Variants in ZNF385D observed in about 807,000 individuals in gnomAD.
The protein encoded by ZNF385D is zinc finger protein 659.
In ZNF385D, 15 loss-of-function variants were observed where a neutral mutation model predicts 35.8. The observed-to-expected ratio is 0.42, with a 90% CI of 0.28 to 0.64. The LOEUF (loss-of-function observed/expected upper bound fraction) is 0.64, where lower values mean the gene tolerates loss of function less well. Ranked by LOEUF, ZNF385D falls within the 30% of genes least tolerant of loss-of-function variation. The pLI is 0.23. For missense variants in ZNF385D, 474 were observed against 494.6 expected (o/e 0.96, Z 0.39); for synonymous variants, 212 against 186.8 (o/e 1.13, Z -1.10).
chr3:22,169,983 T>A (rs1308496905), intron 2 of ZNF385D, among the ~76,000 whole-genome samples: 1 of 152,124 alleles, frequency 6.6e-6, no homozygotes, highest in Admixed American at 6.5e-5. Flanking sequence ...ATAATTAGAG[T>A]AACTATTGTA....
At chr3:21,506,340 G>A (rs980352502) in intron 4 of ZNF385D, among the ~76,000 whole-genome samples, 1 of 152,170 alleles carries the variant, frequency 6.6e-6, no homozygotes, top group Non-Finnish European at 1.5e-5. Context: ...CTGATATGTA[G>A]TATGAGTAAG....
intron 1 of ZNF385D, among the ~76,000 whole-genome samples, chr3:21,730,772 G>A (rs190043429): frequency 6.6e-6 from 1 of 152,312 alleles, no homozygotes; most frequent in East Asian, 1.9e-4. Context: ...TTTCTCCCCA[G>A]AGGATTCTTT....
intron 2 of ZNF385D, among the ~76,000 whole-genome samples, chr3:22,371,587 G>A (rs967313729): frequency 6.6e-6 from 1 of 152,200 alleles, no homozygotes; most frequent in Non-Finnish European, 1.5e-5. Context: ...CTGGAATTGG[G>A]CATTTCACAC....
At chr3:22,329,629 A>G (rs1266245339) in intron 2 of ZNF385D, among the ~76,000 whole-genome samples, 2 of 152,160 alleles carry the variant, frequency 1.3e-5, no homozygotes, top group African/African-American at 4.8e-5. Flanking sequence ...TTCTCCACCA[A>G]TCCCTCTGAT....
At chr3:21,696,653 G>A (rs1045035644) in intron 1 of ZNF385D, among the ~76,000 whole-genome samples, 8 of 152,218 alleles carry the variant, frequency 5.3e-5, no homozygotes, top group African/African-American at 1.9e-4. Context: ...CCATCAGACA[G>A]TAGCTCTTTA....
chr3:22,114,078 C>T (rs575755845), intron 3 of ZNF385D, among the ~76,000 whole-genome samples: 2 of 151,998 alleles, frequency 1.3e-5, no homozygotes, highest in African/African-American at 4.8e-5. Context: ...AGTGAGAAAA[C>T]ATAAATCATA....
intron 3 of ZNF385D, among the ~76,000 whole-genome samples, chr3:22,088,286 A>G (rs1406816501): frequency 6.6e-6 from 1 of 152,194 alleles, no homozygotes; most frequent in Non-Finnish European, 1.5e-5. Context: ...AATATGTGAT[A>G]AAACATGAGA....
At chr3:22,344,394 G>T (rs1344206775) in intron 2 of ZNF385D, among the ~76,000 whole-genome samples, 1 of 151,754 alleles carries the variant, frequency 6.6e-6, no homozygotes, top group Non-Finnish European at 1.5e-5. Context: ...TGTTGCTGTT[G>T]TTTTAGTTTT....
intron 3 of ZNF385D, among the ~76,000 whole-genome samples, chr3:22,077,749 TAGA>T (rs1700538570): frequency 6.6e-6 from 1 of 152,012 alleles, no homozygotes; most frequent in African/African-American, 2.4e-5. Context: ...ATTTCTACCT[TAGA>T]AGCTGTTTCT....
chr3:22,033,818 T>G (rs76224780), intron 3 of ZNF385D, among the ~76,000 whole-genome samples: 1 of 152,294 alleles, frequency 6.6e-6, no homozygotes, highest in Non-Finnish European at 1.5e-5. Context: ...TACTGTTCAC[T>G]TCAGTTACCA....
chr3:22,072,765 G>A (rs1484661183), intron 3 of ZNF385D, among the ~76,000 whole-genome samples: 7 of 151,776 alleles, frequency 4.6e-5, no homozygotes, highest in African/African-American at 1.5e-4. Context: ...ATTGAAGGTT[G>A]GGAGAAGGAA....
Position 22,122,734 on chromosome 3 carries a change from T to C in ZNF385D, c.325+46083A>G, listed in dbSNP as rs1044042733. Among the ~76,000 whole-genome samples the C allele has an allele frequency of 8.5e-5, 13 of 152,180 alleles. 1 individual carries two copies. The highest frequency in any genetic ancestry group is 1.9e-4 in the Non-Finnish European group (13 of 68,032). ...ATGGAAAGTACCAAGAAAGGCCTACTGAGACGGTGACATTCGAGTCACATG... is the reference window on the plus strand; with the variant it reads ...ATGGAAAGTACCAAGAAAGGCCTACCGAGACGGTGACATTCGAGTCACATG... On this transcript the variant is annotated intron_variant, in intron 3 of 5. Transcript: ENST00000494108.
chr3:21,797,810 G>A (rs999672439), intron 3 of ZNF385D, among the ~76,000 whole-genome samples: 5 of 152,154 alleles, frequency 3.3e-5, no homozygotes, highest in Non-Finnish European at 5.9e-5. Flanking sequence ...AAACTATGGA[G>A]ATAGTGAAAG....
At chr3:22,092,594 G>T (rs943819138) in intron 3 of ZNF385D, among the ~76,000 whole-genome samples, 1 of 152,124 alleles carries the variant, frequency 6.6e-6, no homozygotes, top group African/African-American at 2.4e-5. Context: ...GTGGAAGCTG[G>T]TTCCAGACCC....
intron 3 of ZNF385D, among the ~76,000 whole-genome samples, chr3:22,140,116 A>C (rs1193743476): frequency 6.6e-6 from 1 of 152,224 alleles, no homozygotes; most frequent in African/African-American, 2.4e-5. Context: ...AGAGAAACGA[A>C]AATTTATTTC....
intron 3 of ZNF385D, among the ~76,000 whole-genome samples, chr3:21,868,840 T>C (rs748353974): frequency 1.2e-4 from 19 of 152,120 alleles, no homozygotes; most frequent in Non-Finnish European, 2.5e-4. Context: ...TGAATTCTTA[T>C]TGCATTGTGG....
At chr3:21,503,890 C>G (rs1035162975) in intron 4 of ZNF385D, among the ~76,000 whole-genome samples, 1 of 152,062 alleles carries the variant, frequency 6.6e-6, no homozygotes. Context: ...ACCTTCTTAG[C>G]AATACATTCA....
upstream of ZNF385D, chr3:21,751,351 C>A (rs1405964074): frequency 2.9e-6 from 3 of 1,040,392 alleles, no homozygotes; most frequent in Non-Finnish European, 3.5e-6. Context: ...TGGGAAGGGG[C>A]GGAGTGAGGG....
rs1366573913 is a variant in ZNF385D at position 21,539,356 on chromosome 3, C to T, written c.276+25218G>A. ...GGATTAAATTAAGAACCAATAATAT[C>T]TAAATGCTGGTATCAAATAAAAACA... On this transcript the variant is annotated intron_variant, in intron 3 of 7. Coordinates refer to ENST00000281523, the MANE Select transcript of ZNF385D (RefSeq NM_024697.3). The surrounding 1 kb of genome is among the most constrained non-coding windows in gnomAD (Gnocchi z 4.0). Among the ~76,000 whole-genome samples, 1 of 152,146 alleles carries T rather than the reference C, an allele frequency of 6.6e-6. No homozygotes were observed. Among genetic ancestry groups the T allele is most frequent in the Non-Finnish European group, 1.5e-5 (1 of 68,018 alleles).
Sources: allele counts gnomAD v4.1 joint callset (sites outside exome capture counted in the v4.1 genomes callset), GRCh38; gene constraint gnomAD v4.1.1; non-coding constraint Gnocchi (gnomAD v3.1); transcripts MANE v1.5; gene names NCBI Gene and HGNC (gene_info 2026-07-23, HGNC 2026-07-21).